ARID3B: variants seen among roughly 807,000 people sequenced by gnomAD.
ARID3B encodes AT-rich interactive domain-containing protein 3B.
ARID3B carries 10 observed loss-of-function variants against 51.9 expected under a neutral mutation model. The ratio of observed to expected loss-of-function variants is 0.19; its 90% CI spans 0.12 to 0.33. ARID3B has a LOEUF of 0.33. Ranked by LOEUF, ARID3B falls within the 10% of genes least tolerant of loss-of-function variation. The pLI, the probability that ARID3B is intolerant of heterozygous loss-of-function variation, is 1.00. For synonymous variants in ARID3B, 205 were observed against 279.5 expected (o/e 0.73, Z 2.66); for missense variants, 483 against 716.3 (o/e 0.67, Z 3.72).
intron 2 of ARID3B, among the ~76,000 whole-genome samples, chr15:74,551,760 T>C (rs1459489395): frequency 6.6e-6 from 1 of 152,220 alleles, no homozygotes; most frequent in Non-Finnish European, 1.5e-5. Context: ...CAGCTTTTTT[T>C]CTATTCCTAA....
Position 74,572,796 on chromosome 15 carries a change from T to C in ARID3B, c.553-66T>C, listed in dbSNP as rs1286370438. 6 of 1,490,332 alleles carry C rather than the reference T, an allele frequency of 4.0e-6. No individual in the cohort carries two copies. The East Asian group carries it at 1.4e-4, about 34-fold the overall frequency. 92.3% of individuals were successfully genotyped at this position (1,490,332 alleles called of 1,614,324 possible). ...TTCATCTTTGCCCTAAATGATTGCC[T>C]TGCCCTCTGTCCTAACTCTTTCTCT... On this transcript the variant is annotated intron_variant, in intron 2 of 8. Transcript: ENST00000346246.
chr15:74,569,583 T>C (rs2061712232), intron 2 of ARID3B, among the ~76,000 whole-genome samples: 1 of 152,200 alleles, frequency 6.6e-6, no homozygotes, highest in Non-Finnish European at 1.5e-5. Flanking sequence ...ACAGTCTTCC[T>C]ATATTGCTCA....
rs569459248 is a variant in ARID3B at position 74,591,612 on chromosome 15, C to T, written c.1218C>T (p.Pro406=). Residue 406 remains proline, a synonymous_variant, in exon 7 of 9, where the codon CCC becomes CCT. Coordinates refer to ENST00000346246, the MANE Select transcript of ARID3B (RefSeq NM_006465.4). This position sits in a 1 kb window ranked among gnomAD's most constrained non-coding sequence, Gnocchi z 5.8. ...TVPVPNRLAV[P]VTLASQQAGT... is the part of the protein sequence containing the mutation. ...CTGTGCCAAATCGTCTGGCTGTGCC[C>T]GTGACCTTGGCAAGCCAGCAGGCTG... The T allele has an allele frequency of 5.7e-5, 92 of 1,602,980 alleles. No homozygotes were observed. The highest frequency in any genetic ancestry group is 3.3e-4 in the African/African-American group (25 of 74,686).
intron 8 of ARID3B, among the ~76,000 whole-genome samples, chr15:74,593,565 T>C (rs2061812184): frequency 6.6e-6 from 1 of 152,146 alleles, no homozygotes; most frequent in Non-Finnish European, 1.5e-5. Flanking sequence ...AATTCAGCTC[T>C]TCTCTTCCTT....
intron 1 of ARID3B, among the ~76,000 whole-genome samples, chr15:74,541,690 G>A (rs1221943326): frequency 6.6e-6 from 1 of 151,382 alleles, no homozygotes; most frequent in Non-Finnish European, 1.5e-5. Flanking sequence ...AAAGAATGGG[G>A]GGAGGCGTGC....
intron 4 of ARID3B, among the ~76,000 whole-genome samples, chr15:74,581,963 C>T (rs2061763380): frequency 6.6e-6 from 1 of 152,158 alleles, no homozygotes; most frequent in African/African-American, 2.4e-5. Context: ...AGTCTAGTGG[C>T]ACAACAGCAT....
chr15:74,545,216 CAGTT>C (rs1377542654), intron 2 of ARID3B, among the ~76,000 whole-genome samples: 1 of 152,188 alleles, frequency 6.6e-6, no homozygotes. Flanking sequence ...TCTTTAAGGA[CAGTT>C]GGTTGTTTTG....
intron 8 of ARID3B, among the ~76,000 whole-genome samples, chr15:74,593,596 A>G (rs1329552509): frequency 6.7e-6 from 1 of 150,082 alleles, no homozygotes; most frequent in African/African-American, 2.4e-5. Context: ...AGACACAGGC[A>G]AAGGAACCCC....
At chr15:74,593,102 G>T (rs983401229) in intron 7 of ARID3B, 36 bp from the exon 8 acceptor site, 21 of 1,598,688 alleles carry the variant, frequency 1.3e-5, no homozygotes, top group Non-Finnish European at 1.7e-5. Context: ...GCTGTGGAAG[G>T]CTTGACCAGG....
chr15:74,582,715 T>A (rs2061766331), intron 4 of ARID3B, among the ~76,000 whole-genome samples: 1 of 152,190 alleles, frequency 6.6e-6, no homozygotes, highest in Non-Finnish European at 1.5e-5. Flanking sequence ...ACCCAGCAGT[T>A]GCACTCCTGG....
Position 74,572,842 on chromosome 15 carries a change from T to C in ARID3B, c.553-20T>C, listed in dbSNP as rs776583633. Reference sequence around the variant, plus strand: ...TCTCTTCCTTTGCCCCTCTCAACTTTGTGTTTTGTTCCCTTTTAGAATGGT... The same window carrying C: ...TCTCTTCCTTTGCCCCTCTCAACTTCGTGTTTTGTTCCCTTTTAGAATGGT... On this transcript the variant is annotated intron_variant, in intron 2 of 8. Transcript: ENST00000346246. 3.1e-6 allele frequency: 5 copies of C among 1,613,414 alleles called. No individual in the cohort carries two copies. The highest frequency in any genetic ancestry group is 4.2e-6 in the Non-Finnish European group (5 of 1,179,348).
chr15:74,588,332 C>T (rs1247830965), intron 4 of ARID3B, among the ~76,000 whole-genome samples: 2 of 152,018 alleles, frequency 1.3e-5, no homozygotes, highest in African/African-American at 4.8e-5. Flanking sequence ...CTGGCTTGAA[C>T]CATCCTGTAA....
intron 4 of ARID3B, among the ~76,000 whole-genome samples, chr15:74,578,179 G>GTT (rs200505620): frequency 7.1e-6 from 1 of 140,922 alleles, no homozygotes. Context: ...GTTTTTTTTT[G>GTT]TTTTTTTTGT....
intron 4 of ARID3B, among the ~76,000 whole-genome samples, chr15:74,588,259 A>G (rs188468626): frequency 1.1e-3 from 164 of 151,512 alleles, no homozygotes; most frequent in Middle Eastern, 6.8e-3. Context: ...AAGAAGAAGA[A>G]GAGGCCTGGT....
chr15:74,583,710 C>G (rs1202628678), intron 4 of ARID3B, among the ~76,000 whole-genome samples: 2 of 149,182 alleles, frequency 1.3e-5, no homozygotes, highest in African/African-American at 2.5e-5. Flanking sequence ...GAGCGAGACT[C>G]TGTCTCAAAA....
At chr15:74,569,390 C>T (rs1331668178) in intron 2 of ARID3B, among the ~76,000 whole-genome samples, 1 of 151,810 alleles carries the variant, frequency 6.6e-6, no homozygotes, top group Non-Finnish European at 1.5e-5. Flanking sequence ...TCTCCCTGAC[C>T]AACCTGGCCA....
intron 2 of ARID3B, among the ~76,000 whole-genome samples, chr15:74,550,231 C>T (rs1324565748): frequency 6.6e-6 from 1 of 152,188 alleles, no homozygotes; most frequent in Non-Finnish European, 1.5e-5. Context: ...TTCAGCCCAG[C>T]ACTCCATGAT....
At chr15:74,551,346 C>T (rs147926922) in intron 2 of ARID3B, among the ~76,000 whole-genome samples, 87 of 152,292 alleles carry the variant, frequency 5.7e-4, no homozygotes, top group African/African-American at 1.5e-3. Flanking sequence ...TAAACCATGG[C>T]GCTTCTGAAG....
intron 2 of ARID3B, among the ~76,000 whole-genome samples, chr15:74,549,220 G>T (rs896661074): frequency 2.0e-5 from 3 of 151,942 alleles, no homozygotes; most frequent in Admixed American, 1.3e-4. Flanking sequence ...GACTACAGGT[G>T]CCCGCCACCA....
Sources: gnomAD v4.1 joint callset for allele counts (sites outside exome capture counted in the v4.1 genomes callset) on GRCh38, gnomAD v4.1.1 for gene constraint, Gnocchi (gnomAD v3.1) non-coding constraint, MANE v1.5 for transcripts, NCBI Gene and HGNC (gene_info 2026-07-23, HGNC 2026-07-21) for gene names.